ADORA2A: variants seen among roughly 807,000 people sequenced by gnomAD.
ADORA2A encodes adenosine A2a receptor, also known as adenosine receptor A2a.
ADORA2A carries 11 observed loss-of-function variants against 18.4 expected under a neutral mutation model. The observed-to-expected ratio is 0.60, with a 90% CI of 0.38 to 0.99. ADORA2A has a LOEUF of 0.99. Ranked by LOEUF, ADORA2A falls within the 50% of genes least tolerant of loss-of-function variation. The pLI is 0.01. For synonymous variants in ADORA2A, 218 were observed against 237.3 expected, an observed-to-expected ratio of 0.92 and a Z score of 0.75; for missense variants, 449 against 556.1, an observed-to-expected ratio of 0.81 and a Z score of 1.94.
chr22:24,434,260 CAG>C (rs1333915654), intron 2 of ADORA2A, among the ~76,000 whole-genome samples: 1 of 152,168 alleles, frequency 6.6e-6, no homozygotes, highest in Non-Finnish European at 1.5e-5. Flanking sequence ...GAAAATGACC[CAG>C]AGAGGGGAAG....
chr22:24,433,995 C>A (rs2043112926), intron 2 of ADORA2A, among the ~76,000 whole-genome samples: 4 of 152,242 alleles, frequency 2.6e-5, no homozygotes. Flanking sequence ...TGCCTGAGGC[C>A]AACTGTGCTC....
chr22:24,431,371 C>T (rs1601402946), intron 1 of ADORA2A: 1 of 456,526 alleles, frequency 2.2e-6, no homozygotes, highest in African/African-American at 2.0e-5. Flanking sequence ...GGTATGGCTG[C>T]AGCCCGTGCC....
At chr22:24,428,071 C>T (rs376469680) in intron 1 of ADORA2A, among the ~76,000 whole-genome samples, 1 of 152,224 alleles carries the variant, frequency 6.6e-6, no homozygotes, top group East Asian at 1.9e-4. Context: ...CGGGCAGCCC[C>T]GGAGGTCAGG....
At position 24,427,734 on chromosome 22, in the gene ADORA2A, C is replaced by G. The variant is rs1261135849; in HGVS notation, c.-287C>G. The G allele has an allele frequency of 6.6e-6, 1 of 152,338 alleles. No individual in the cohort carries two copies. Among genetic ancestry groups the G allele is most frequent in the Non-Finnish European group, 1.5e-5 (1 of 68,128 alleles). The allele number at this position is 152,338 out of a possible 1,614,324, so 9.4% of individuals were successfully genotyped here. ...TCGGAGGAGGGCTGTCAGGTGAAGC[C>G]TCGTGTGAGGGGGTGAGTGGCCCCC... On this transcript the variant is annotated 5_prime_UTR_variant, in exon 1 of 3. Coordinates refer to ENST00000337539, the MANE Select transcript of ADORA2A (RefSeq NM_000675.6).
intron 1 of ADORA2A, among the ~76,000 whole-genome samples, chr22:24,428,234 C>T (rs2042948404): frequency 6.6e-6 from 1 of 152,210 alleles, no homozygotes; most frequent in African/African-American, 2.4e-5. Context: ...AAAAGCCAGT[C>T]ATAGTGGGGC....
chr22:24,433,657 C>T lies in ADORA2A; in HGVS notation c.253C>T (p.Leu85=). 1 of 1,613,194 alleles carries T rather than the reference C, an allele frequency of 6.2e-7. No individual in the cohort carries two copies. Among genetic ancestry groups the T allele is most frequent in the Non-Finnish European group, 8.5e-7 (1 of 1,180,044 alleles). The part of the protein sequence containing the change: ...HGCLFIACFV[L]VLTQSSIFSL... ...CTGCCTCTTCATTGCCTGCTTCGTCCTGGTCCTCACGCAGAGCTCCATCTT... is the reference window on the plus strand; with the variant it reads ...CTGCCTCTTCATTGCCTGCTTCGTCTTGGTCCTCACGCAGAGCTCCATCTT... Residue 85 remains leucine, a synonymous_variant, in exon 2 of 3, where the codon CTG becomes TTG. Transcript: ENST00000337539.
At chr22:24,432,337 T>G (rs1213575950) in intron 1 of ADORA2A, 2 of 153,096 alleles carry the variant, frequency 1.3e-5, no homozygotes, top group African/African-American at 4.8e-5. Context: ...GTCTCTGGCT[T>G]GTCCTTTCAC....
At chr22:24,428,143 C>CTGA (rs2042946437) in intron 1 of ADORA2A, among the ~76,000 whole-genome samples, 1 of 152,182 alleles carries the variant, frequency 6.6e-6, no homozygotes, top group African/African-American at 2.4e-5. Context: ...GGCACCTGCG[C>CTGA]TGATGAGTTT....
At chr22:24,424,828 G>C (rs1478548208), upstream of ADORA2A, among the ~76,000 whole-genome samples, 1 of 152,032 alleles carries the variant, frequency 6.6e-6, no homozygotes, top group Non-Finnish European at 1.5e-5. This position sits in a 1 kb window ranked among gnomAD's most constrained non-coding sequence, Gnocchi z 4.9. Context: ...GGCTTGAGGA[G>C]GAGGCCGCGG....
intron 1 of ADORA2A, chr22:24,430,200 G>C (rs2042996301): frequency 6.6e-6 from 1 of 152,662 alleles, no homozygotes; most frequent in African/African-American, 2.4e-5. Flanking sequence ...TGTGGGTCCG[G>C]GCAAGCCTCA....
intron 1 of ADORA2A, among the ~76,000 whole-genome samples, chr22:24,428,579 A>C (rs1187474081): frequency 6.6e-6 from 1 of 152,068 alleles, no homozygotes; most frequent in Non-Finnish European, 1.5e-5. Flanking sequence ...GCCTCTTTGG[A>C]GATTCTAAAG....
chr22:24,425,041 C>G (rs999441067), upstream of ADORA2A, among the ~76,000 whole-genome samples: 66 of 152,154 alleles, frequency 4.3e-4, no homozygotes, highest in Non-Finnish European at 9.1e-4. Flanking sequence ...AGCACCTCCT[C>G]TCTTGGGCTC....
chr22:24,427,156 C>T (rs1041084541), upstream of ADORA2A, among the ~76,000 whole-genome samples: 4 of 152,164 alleles, frequency 2.6e-5, no homozygotes, highest in Admixed American at 6.5e-5. Context: ...CTGGTCTGCC[C>T]GTGTCACAGG....
rs201170578 is a variant in ADORA2A, at chr22:24,433,166, A to C, written c.-239A>C. 3.4e-6 allele frequency: 2 copies of C among 584,552 alleles called. No homozygotes were observed. The highest frequency in any genetic ancestry group is 6.1e-6 in the Non-Finnish European group (2 of 327,676). 36.2% of individuals were successfully genotyped at this position (584,552 alleles called of 1,614,324 possible). A position where few individuals can be genotyped will look rare whatever the true frequency, so the allele number is the denominator to read the frequency against. On this transcript the variant is annotated 5_prime_UTR_variant, in exon 2 of 3. The change abolishes an upstream ATG in the 5' untranslated region. Coordinates refer to ENST00000337539, the MANE Select transcript of ADORA2A (RefSeq NM_000675.6). ...AACCCTGAAGCTGGGCTGAGCCATG[A>C]TGCTGCTGCCAGAACCCCTGCAGAG...
Position 24,440,806 on chromosome 22 carries a change from G to A in ADORA2A, c.556G>A (p.Val186Met), listed in dbSNP as rs747066875. Residue 186 changes from valine to methionine, a missense_variant, in exon 3 of 3, where the codon GTG becomes ATG. Coordinates refer to ENST00000337539, the MANE Select transcript of ADORA2A (RefSeq NM_000675.6). ...YMVYFNFFAC[V>M]LVPLLLMLGV... ...GGTGTACTTCAACTTCTTTGCCTGTGTGCTGGTGCCCCTGCTGCTCATGCT... is the reference window on the plus strand; with the variant it reads ...GGTGTACTTCAACTTCTTTGCCTGTATGCTGGTGCCCCTGCTGCTCATGCT... 6.2e-7 allele frequency: 1 copy of A among 1,614,198 alleles called. No homozygotes were observed. Among genetic ancestry groups the A allele is most frequent in the Non-Finnish European group, 8.5e-7 (1 of 1,180,036 alleles).
chr22:24,439,702 T>C (rs1601421951), intron 2 of ADORA2A: 1 of 152,136 alleles, frequency 6.6e-6, no homozygotes, highest in Non-Finnish European at 1.5e-5. Context: ...GCTTACTGGC[T>C]GGCAGATCCA....
rs1332244380 is a variant in ADORA2A, at chr22:24,441,355, G to A, written c.1105G>A (p.Gly369Arg). The A allele has an allele frequency of 1.9e-6, 3 of 1,590,294 alleles. No individual in the cohort carries two copies. The highest frequency in any genetic ancestry group is 2.6e-6 in the Non-Finnish European group (3 of 1,167,456). Residue 369 changes from glycine to arginine, a missense_variant, in exon 3 of 3, where the codon GGG (glycine) becomes AGG (arginine). Transcript: ENST00000337539. ...NGYALGLVSG[G>R]SAQESQGNTG... ...CTATGCCCTGGGGCTGGTGAGTGGA[G>A]GGAGTGCCCAAGAGTCCCAGGGGAA...
upstream of ADORA2A, chr22:24,423,953 G>C (rs1468479862): frequency 6.6e-6 from 1 of 151,992 alleles, no homozygotes; most frequent in African/African-American, 2.4e-5. Flanking sequence ...GCGTGCGAGC[G>C]GCAGGTCAGC....
At position 24,433,486 on chromosome 22, in the gene ADORA2A, T is replaced by G. The variant is rs1432789548; in HGVS notation, c.82T>G (p.Cys28Gly). The change falls in exon 2 of 3, where the codon TGC (cysteine) becomes GGC (glycine). Residue 28 changes from cysteine (C) to glycine (G), a missense_variant. By Grantham distance (159) the Cys-to-Gly change is radical (BLOSUM62 -3). Transcript: ENST00000337539. ...VLAILGNVLV[C>G]WAVWLNSNLQ... Reference sequence around the variant, plus strand: ...GGCCATCCTGGGCAATGTGCTGGTGTGCTGGGCCGTGTGGCTCAACAGCAA... The same window carrying G: ...GGCCATCCTGGGCAATGTGCTGGTGGGCTGGGCCGTGTGGCTCAACAGCAA... The G allele has an allele frequency of 6.2e-7, 1 of 1,614,180 alleles. No homozygotes were observed. The highest frequency in any genetic ancestry group is 8.5e-7 in the Non-Finnish European group (1 of 1,180,044).
Sources: allele counts gnomAD v4.1 joint callset (sites outside exome capture counted in the v4.1 genomes callset), GRCh38; gene constraint gnomAD v4.1.1; non-coding constraint Gnocchi (gnomAD v3.1); transcripts MANE v1.5; gene names NCBI Gene and HGNC (gene_info 2026-07-23, HGNC 2026-07-21).